The following ZDHHC20 variants were observed in gnomAD, a reference collection of about 807,000 sequenced individuals.
ZDHHC20 encodes the protein zDHHC palmitoyltransferase 20.
In ZDHHC20, 43 loss-of-function variants were observed where a neutral mutation model predicts 57.8. The ratio of observed to expected loss-of-function variants is 0.74; its 90% CI spans 0.58 to 0.96. The LOEUF (loss-of-function observed/expected upper bound fraction) is 0.96, where lower values mean the gene tolerates loss of function less well. Ranked by LOEUF, ZDHHC20 falls within the 40% of genes least tolerant of loss-of-function variation. The pLI is 0.00. For missense variants in ZDHHC20, 391 were observed against 441.1 expected, an observed-to-expected ratio of 0.89 and a Z score of 1.02; for synonymous variants, 157 against 153.0, an observed-to-expected ratio of 1.03 and a Z score of -0.19.
At chr13:21,404,144 G>C (rs1878110303) in intron 4 of ZDHHC20, among the ~76,000 whole-genome samples, 1 of 152,136 alleles carries the variant, frequency 6.6e-6, no homozygotes, top group South Asian at 2.1e-4. Flanking sequence ...CCATCTACTG[G>C]TATATCCAGT....
intron 1 of ZDHHC20, among the ~76,000 whole-genome samples, chr13:21,448,880 T>C (rs1287757389): frequency 1.1e-5 from 1 of 90,816 alleles, no homozygotes; most frequent in African/African-American, 3.6e-5. Context: ...CTAAGAAAAA[T>C]TCTTCTGCCT....
intron 8 of ZDHHC20, among the ~76,000 whole-genome samples, chr13:21,388,469 G>T (rs1268817697): frequency 6.6e-6 from 1 of 152,148 alleles, no homozygotes; most frequent in Non-Finnish European, 1.5e-5. Context: ...TTCTTCCTCA[G>T]AAGTTAGAGG....
intron 9 of ZDHHC20, among the ~76,000 whole-genome samples, chr13:21,387,188 T>C (rs1874690058): frequency 1.3e-5 from 2 of 152,210 alleles, no homozygotes; most frequent in Admixed American, 6.5e-5. Flanking sequence ...ATCTTTGAAG[T>C]TGTGGCTAAT....
rs1025685970 is a variant in ZDHHC20, at chr13:21,387,727, C to A, written c.728-93G>T. The A allele has an allele frequency of 9.7e-5, 63 of 647,888 alleles. No individual in the cohort carries two copies. The East Asian group carries it at 2.3e-3, about 24-fold the overall frequency. 40.1% of individuals were successfully genotyped at this position (647,888 alleles called of 1,614,324 possible). ...CCAATTTTCTTGCTTATATCTTTGA[C>A]ACAAAAACTGTAAATATAATTTAAA... On this transcript the variant is annotated intron_variant, in intron 8 of 12. Coordinates refer to ENST00000400590, the MANE Select transcript of ZDHHC20 (RefSeq NM_001330059.2).
intron 1 of ZDHHC20, among the ~76,000 whole-genome samples, chr13:21,435,000 C>T (rs943997486): frequency 6.6e-6 from 1 of 152,164 alleles, no homozygotes; most frequent in African/African-American, 2.4e-5. Context: ...TCCACCATGT[C>T]TTTAGCTTTT....
chr13:21,424,645 A>G (rs1432210332), intron 2 of ZDHHC20, among the ~76,000 whole-genome samples: 3 of 150,414 alleles, frequency 2.0e-5, no homozygotes, highest in Non-Finnish European at 4.4e-5. Flanking sequence ...TGGGAGGCGG[A>G]GCTTGCAGTG....
chr13:21,447,302 GTCTCCC>G (rs1235997963), intron 1 of ZDHHC20, among the ~76,000 whole-genome samples: 13 of 145,548 alleles, frequency 8.9e-5, no homozygotes, highest in African/African-American at 2.0e-4. Flanking sequence ...CTCCCTCTCC[GTCTCCC>G]TCTCCCTCTC....
intron 1 of ZDHHC20, among the ~76,000 whole-genome samples, chr13:21,454,999 C>A (rs1884791842): frequency 6.6e-6 from 1 of 152,208 alleles, no homozygotes; most frequent in Non-Finnish European, 1.5e-5. Flanking sequence ...CTGCTCACTG[C>A]AAGCTCCGCC....
At chr13:21,387,430 TA>T in intron 9 of ZDHHC20, 77 bp downstream of exon 9, 1 of 1,155,288 alleles carries the variant, frequency 8.7e-7, no homozygotes, top group Non-Finnish European at 1.1e-6. Flanking sequence ...TTATATTCTC[TA>T]AATCTGAAGA....
rs1396811841 is a variant in ZDHHC20, at chr13:21,374,970, C to A, written c.*1726G>T. ...TCAACATGGTGAAACCTCGTCTCTTCTAAAAATGTGAAAATTAGCCGGGCA... is the reference window on the plus strand; with the variant it reads ...TCAACATGGTGAAACCTCGTCTCTTATAAAAATGTGAAAATTAGCCGGGCA... On this transcript the variant is annotated 3_prime_UTR_variant, in exon 13 of 13. Coordinates refer to ENST00000400590, the MANE Select transcript of ZDHHC20 (RefSeq NM_001330059.2). 5.5e-6 allele frequency: 2 copies of A among 366,024 alleles called. No individual in the cohort carries two copies. Among genetic ancestry groups the A allele is most frequent in the Non-Finnish European group, 1.1e-5 (2 of 187,958 alleles). 22.7% of individuals were successfully genotyped at this position (366,024 alleles called of 1,614,324 possible). A position where few individuals can be genotyped will look rare whatever the true frequency, so the allele number is the denominator to read the frequency against.
intron 3 of ZDHHC20, among the ~76,000 whole-genome samples, chr13:21,415,721 T>C (rs1235567995): frequency 6.6e-6 from 1 of 152,218 alleles, no homozygotes; most frequent in East Asian, 1.9e-4. Context: ...TACATATTCA[T>C]AGTAGAGTAT....
chr13:21,375,249 C>T lies in ZDHHC20; in HGVS notation c.*1447G>A, dbSNP rs536221871. The T allele has an allele frequency of 2.2e-6, 1 of 444,878 alleles. No individual in the cohort carries two copies. The highest frequency in any genetic ancestry group is 4.5e-6 in the Non-Finnish European group (1 of 221,912). 27.6% of individuals were successfully genotyped at this position (444,878 alleles called of 1,614,324 possible). Reference sequence around the variant, plus strand: ...TTCACAACACCCCCTCCCCTGCAGTCCCATTTTACAGACAGGAAGCTCCAA... The same window carrying T: ...TTCACAACACCCCCTCCCCTGCAGTTCCATTTTACAGACAGGAAGCTCCAA... On this transcript the variant is annotated 3_prime_UTR_variant, in exon 13 of 13. Transcript: ENST00000400590.
rs543821437 is a variant in ZDHHC20 at position 21,433,924 on chromosome 13, CATTGCTATAGAATAGTATTTAGA to C, written c.119-8269_119-8247del. Among the ~76,000 whole-genome samples the C allele has an allele frequency of 3.5e-4, 53 of 152,302 alleles. 1 individual carries two copies. The South Asian group carries it at 0.011, about 30-fold the overall frequency. On this transcript the variant is annotated intron_variant, in intron 1 of 12. Transcript: ENST00000400590. The stretch of plus-strand genomic sequence containing the variant: ...TCTAAAAATTCCAATTTTAATTACT[CATTGCTATAGAATAGTATTTAGA>C]AATATGTTTTAGTTTTTTTATTGAC...
chr13:21,448,598 G>A (rs1163853233), intron 1 of ZDHHC20, among the ~76,000 whole-genome samples: 5 of 94,838 alleles, frequency 5.3e-5, no homozygotes, highest in African/African-American at 1.6e-4. Flanking sequence ...GGAGGTGGGG[G>A]GGTCAGCCCC....
At chr13:21,428,383 G>C (rs1457999313) in intron 1 of ZDHHC20, among the ~76,000 whole-genome samples, 1 of 151,590 alleles carries the variant, frequency 6.6e-6, no homozygotes. Flanking sequence ...ACCATGCCTG[G>C]CTAATTTTTG....
intron 9 of ZDHHC20, among the ~76,000 whole-genome samples, chr13:21,384,212 G>A (rs1874011180): frequency 6.6e-6 from 1 of 151,654 alleles, no homozygotes; most frequent in Non-Finnish European, 1.5e-5. Flanking sequence ...GGCTGAGGCA[G>A]GCGGATCACT....
intron 5 of ZDHHC20, among the ~76,000 whole-genome samples, chr13:21,402,117 C>T (rs908783780): frequency 6.6e-6 from 1 of 152,000 alleles, no homozygotes; most frequent in Non-Finnish European, 1.5e-5. Context: ...TACATTAGAT[C>T]CAGCTAACAA....
intron 1 of ZDHHC20, among the ~76,000 whole-genome samples, chr13:21,434,579 A>T (rs1882351168): frequency 6.6e-6 from 1 of 152,224 alleles, no homozygotes; most frequent in African/African-American, 2.4e-5. Flanking sequence ...GTCATTCTCT[A>T]GCAAACTAGT....
chr13:21,458,133 G>GT (rs1566124460), intron 1 of ZDHHC20, among the ~76,000 whole-genome samples: 1 of 152,186 alleles, frequency 6.6e-6, no homozygotes, highest in Admixed American at 6.5e-5. Context: ...TATCACAAAT[G>GT]TAGCAGTCAC....
Sources: gnomAD v4.1 joint callset for allele counts (sites outside exome capture counted in the v4.1 genomes callset) on GRCh38, gnomAD v4.1.1 for gene constraint, MANE v1.5 for transcripts, NCBI Gene and HGNC (gene_info 2026-07-23, HGNC 2026-07-21) for gene names.